The following FMNL3 variants were observed in gnomAD, a reference collection of about 807,000 sequenced individuals.
FMNL3 encodes the protein formin-like protein 3.
FMNL3 carries 57 observed loss-of-function variants against 119.6 expected under a neutral mutation model. That is an observed-to-expected ratio of 0.48 (90% CI 0.39 to 0.59). The LOEUF (loss-of-function observed/expected upper bound fraction) is 0.59, where lower values mean the gene tolerates loss of function less well. FMNL3 is among the 20% of genes least tolerant of loss of function. The probability of loss-of-function intolerance (pLI) is 0.00; values close to 1 mark genes in which losing one functional copy is unlikely to be tolerated. For missense variants in FMNL3, 1,053 were observed against 1,323.5 expected (o/e 0.80, Z 3.17); for synonymous variants, 491 against 507.3 (o/e 0.97, Z 0.43).
chr12:49,649,118 A>T lies in FMNL3; in HGVS notation c.2426T>A (p.Leu809His). ...TKSTDRKMTL[L>H]HFIALTVKEK... Reference sequence around the variant, plus strand: ...CTTCACTGTCAAGGCGATGAAATGAAGCAGTGTCATCTTCCGGTCAGTGGA... The same window carrying T: ...CTTCACTGTCAAGGCGATGAAATGATGCAGTGTCATCTTCCGGTCAGTGGA... Residue 809 changes from leucine to histidine, a missense_variant, in exon 21 of 26, where the codon CTT (leucine) becomes CAT (histidine). Leu to His is a moderately conservative substitution (Grantham distance 99, BLOSUM62 -3). Coordinates refer to ENST00000335154, the MANE Select transcript of FMNL3 (RefSeq NM_175736.5). This position sits in a 1 kb window ranked among gnomAD's most constrained non-coding sequence, Gnocchi z 5.6. 6.2e-7 allele frequency: 1 copy of T among 1,613,852 alleles called. No homozygotes were observed. Among genetic ancestry groups the T allele is most frequent in the East Asian group, 2.2e-5 (1 of 44,880 alleles).
chr12:49,698,344 T>TA (rs1220337901), intron 1 of FMNL3, among the ~76,000 whole-genome samples: 1 of 152,092 alleles, frequency 6.6e-6, no homozygotes, highest in African/African-American at 2.4e-5. Context: ...CCATCACTAA[T>TA]ATACAAGAGC....
chr12:49,689,206 T>C (rs958060465), intron 1 of FMNL3, among the ~76,000 whole-genome samples: 1 of 152,234 alleles, frequency 6.6e-6, no homozygotes, highest in Non-Finnish European at 1.5e-5. Flanking sequence ...TGGAAGCTTC[T>C]ACATTTGAAG....
chr12:49,647,518 C>A lies in FMNL3; in HGVS notation c.2779-150G>T. 1 of 1,006,100 alleles carries A rather than the reference C, an allele frequency of 9.9e-7. No individual in the cohort carries two copies. Among genetic ancestry groups the A allele is most frequent in the South Asian group, 1.4e-5 (1 of 69,260 alleles). The allele number at this position is 1,006,100 out of a possible 1,614,324, so 62.3% of individuals were successfully genotyped here. A position where few individuals can be genotyped will look rare whatever the true frequency, so the allele number is the denominator to read the frequency against. On this transcript the variant is annotated intron_variant, in intron 23 of 25. Transcript: ENST00000335154. The surrounding 1 kb of genome is among the most constrained non-coding windows in gnomAD (Gnocchi z 4.9). ...GGGCACTTCCTGCCCCAAACAATGA[C>A]AGGAAGGTCCTGGGCCCCACCCTGC...
intron 3 of FMNL3, 62 bp downstream of exon 3, chr12:49,666,065 C>T: frequency 6.4e-7 from 1 of 1,555,882 alleles, no homozygotes; most frequent in Non-Finnish European, 8.9e-7. Context: ...AAAGGGTTTG[C>T]CCCCAAACCC....
chr12:49,638,715 G>C lies in FMNL3; in HGVS notation c.*7100C>G, dbSNP rs1348138972. 1 of 152,218 alleles carries C rather than the reference G, an allele frequency of 6.6e-6. No homozygotes were observed. The highest frequency in any genetic ancestry group is 2.4e-5 in the African/African-American group (1 of 41,450). 9.4% of individuals were successfully genotyped at this position (152,218 alleles called of 1,614,324 possible). On this transcript the variant is annotated 3_prime_UTR_variant, in exon 26 of 26. Transcript: ENST00000335154. ...CGGGACTGGAGGCAGACTGCCTACA[G>C]TAAAAGTCTAGCTTAACTGCTTGCT...
rs1943131538 is a variant in FMNL3, at chr12:49,645,216, T to C, written c.*599A>G. On this transcript the variant is annotated 3_prime_UTR_variant, in exon 26 of 26. Transcript: ENST00000335154. ...TGGTTGGTGCAGAGAAGACCTCTGC[T>C]CTTCTGCCCACCTTGACAAGGACAG... The C allele has an allele frequency of 6.6e-6, 1 of 151,100 alleles. No individual in the cohort carries two copies. Among genetic ancestry groups the C allele is most frequent in the South Asian group, 2.1e-4 (1 of 4,782 alleles). 9.4% of individuals were successfully genotyped at this position (151,100 alleles called of 1,614,324 possible).
At position 49,644,214 on chromosome 12, in the gene FMNL3, T is replaced by A; in HGVS notation, c.*1601A>T. 2 of 1,613,704 alleles carry A rather than the reference T, an allele frequency of 1.2e-6. No homozygotes were observed. Among genetic ancestry groups the A allele is most frequent in the Non-Finnish European group, 1.7e-6 (2 of 1,179,820 alleles). On this transcript the variant is annotated 3_prime_UTR_variant, in exon 26 of 26. Transcript: ENST00000335154. ...GTGACCCAATGAGCTGTTCTCTGCC[T>A]CGGGTCTGTGTGAGGCCATGGCTCC...
rs1850481450 is a variant in FMNL3, at chr12:49,642,907, C to T, written c.*2908G>A. On this transcript the variant is annotated 3_prime_UTR_variant, in exon 26 of 26. Transcript: ENST00000335154. This position sits in a 1 kb window ranked among gnomAD's most constrained non-coding sequence, Gnocchi z 5.8. ...GGGCTAAGTCTGGTGCTGTCCTCACCCTTCTTCCTCTGCCTCTAGCAGACT... is the reference window on the plus strand; with the variant it reads ...GGGCTAAGTCTGGTGCTGTCCTCACTCTTCTTCCTCTGCCTCTAGCAGACT... The T allele has an allele frequency of 6.2e-7, 1 of 1,605,630 alleles. No homozygotes were observed. Among genetic ancestry groups the T allele is most frequent in the South Asian group, 1.1e-5 (1 of 89,672 alleles).
chr12:49,665,100 C>T (rs1943851800), intron 4 of FMNL3, among the ~76,000 whole-genome samples: 1 of 152,134 alleles, frequency 6.6e-6, no homozygotes, highest in Non-Finnish European at 1.5e-5. Context: ...CTCTCACTTT[C>T]ATATACCTTT....
intron 1 of FMNL3, among the ~76,000 whole-genome samples, chr12:49,697,970 A>T (rs540188742): frequency 6.6e-6 from 1 of 152,144 alleles, no homozygotes; most frequent in Non-Finnish European, 1.5e-5. Context: ...CATGGGAAAC[A>T]CTAGGAGGAT....
At chr12:49,676,520 GTTTTTT>G (rs58117011) in intron 1 of FMNL3, among the ~76,000 whole-genome samples, 7,925 of 103,112 alleles carry the variant, frequency 0.077, 359 homozygotes, top group African/African-American at 0.19. Context: ...TTCATAGTGG[GTTTTTT>G]TTTTTTTTTT....
chr12:49,677,244 T>C (rs1944215051), intron 1 of FMNL3, among the ~76,000 whole-genome samples: 1 of 152,258 alleles, frequency 6.6e-6, no homozygotes, highest in African/African-American at 2.4e-5. Context: ...TTGTGACTTA[T>C]GGTTAATGTT....
In FMNL3 at chr12:49,665,879, G is replaced by A. The variant is rs1943877415; in HGVS notation, c.321C>T (p.Thr107=). The A allele has an allele frequency of 1.2e-6, 2 of 1,614,172 alleles. No individual in the cohort carries two copies. The highest frequency in any genetic ancestry group is 1.7e-6 in the Non-Finnish European group (2 of 1,180,024). The part of the protein sequence containing the change: ...KKFRRRVQES[T]KVLRELEISL... The stretch of plus-strand genomic sequence containing the variant: ...AGATCTCCAGCTCCCTTAGTACTTT[G>A]GTTGACTCCTGCACCCTCCTCCTGA... The change falls in exon 4 of 26, where the codon ACC becomes ACT. Residue 107 remains threonine, a synonymous_variant. Transcript: ENST00000335154.
Position 49,707,105 on chromosome 12 carries a change from T to G in FMNL3, c.76A>C (p.Met26Leu). Residue 26 changes from methionine to leucine, a missense_variant, in exon 1 of 26, where the codon ATG (methionine) becomes CTG (leucine). Met to Leu is a conservative substitution (Grantham distance 15). Coordinates refer to ENST00000335154, the MANE Select transcript of FMNL3 (RefSeq NM_175736.5). ...AGCTCACAGGGCTCAGGCATCGGCA[T>G]CTTGCCGGGCGGCAGCAACAACGGG... The part of the protein sequence containing the change: ...SVPLLLPPGK[M>L]PMPEPCELEE... 1 of 1,603,054 alleles carries G rather than the reference T, an allele frequency of 6.2e-7. No homozygotes were observed. Among genetic ancestry groups the G allele is most frequent in the Non-Finnish European group, 8.5e-7 (1 of 1,175,888 alleles).
chr12:49,656,368 AACACAC>A (rs139157446), intron 9 of FMNL3, 30 bp downstream of exon 9: 1 of 1,480,102 alleles, frequency 6.8e-7, no homozygotes, highest in South Asian at 1.2e-5. Flanking sequence ...CTCCCCCGCA[AACACAC>A]ACACACACAC....
In FMNL3 at chr12:49,656,820, C is replaced by T; in HGVS notation, c.791+3G>A. 1 of 1,613,034 alleles carries T rather than the reference C, an allele frequency of 6.2e-7. No homozygotes were observed. The highest frequency in any genetic ancestry group is 2.2e-5 in the East Asian group (1 of 44,878). On this transcript the variant is annotated splice_donor_region_variant and intron_variant, in intron 8 of 25. Coordinates refer to ENST00000335154, the MANE Select transcript of FMNL3 (RefSeq NM_175736.5). ...GGGAGGAAAGGGGAGGGAAGGAACT[C>T]ACCTTGGATTCTTGTTATTGAGGCT... is the stretch of plus-strand genomic sequence containing the variant.
chr12:49,658,560 C>T lies in FMNL3; in HGVS notation c.487G>A (p.Gly163Ser). Residue 163 changes from glycine (G) to serine (S), a missense_variant, in exon 6 of 26, where the codon GGT becomes AGT. Physicochemically the swap from Gly to Ser is moderately conservative, Grantham distance 56. Coordinates refer to ENST00000335154, the MANE Select transcript of FMNL3 (RefSeq NM_175736.5). Reference sequence around the variant, plus strand: ...CAGGACCGGAGTTTGTCAAATGCACCATCGTCACCACTTTCCAGACCCTCA... The same window carrying T: ...CAGGACCGGAGTTTGTCAAATGCACTATCGTCACCACTTTCCAGACCCTCA... ...DFEGLESGDD[G>S]AFDKLRSWSR... 1 of 1,612,528 alleles carries T rather than the reference C, an allele frequency of 6.2e-7. No individual in the cohort carries two copies.
chr12:49,636,917 C>T lies in FMNL3; in HGVS notation c.*8898G>A. Reference sequence around the variant, plus strand: ...TAGAGCACAACCTCTTCACCCATTCCCTGCCCCCTTCTGGATACGCTGCCT... The same window carrying T: ...TAGAGCACAACCTCTTCACCCATTCTCTGCCCCCTTCTGGATACGCTGCCT... On this transcript the variant is annotated 3_prime_UTR_variant, in exon 26 of 26. Coordinates refer to ENST00000335154, the MANE Select transcript of FMNL3 (RefSeq NM_175736.5). The T allele has an allele frequency of 8.1e-6, 13 of 1,604,474 alleles. No individual in the cohort carries two copies. The South Asian group carries it at 1.2e-4, about 15-fold the overall frequency.
chr12:49,641,978 G>A lies in FMNL3; in HGVS notation c.*3837C>T. On this transcript the variant is annotated 3_prime_UTR_variant, in exon 26 of 26. Coordinates refer to ENST00000335154, the MANE Select transcript of FMNL3 (RefSeq NM_175736.5). ...GCCCACGTCATAAGCTTTGACAAGA[G>A]GGCTGCCGCACTGGACGCAGGCAAC... 6.2e-7 allele frequency: 1 copy of A among 1,613,870 alleles called. No homozygotes were observed. Among genetic ancestry groups the A allele is most frequent in the Non-Finnish European group, 8.5e-7 (1 of 1,180,050 alleles).
Sources: allele counts gnomAD v4.1 joint callset (sites outside exome capture counted in the v4.1 genomes callset), GRCh38; gene constraint gnomAD v4.1.1; non-coding constraint Gnocchi (gnomAD v3.1); transcripts MANE v1.5; gene names NCBI Gene and HGNC (gene_info 2026-07-23, HGNC 2026-07-21).